Variants in DSCAM observed in about 807,000 individuals in gnomAD.
DSCAM encodes the protein cell adhesion molecule DSCAM.
A neutral mutation model predicts 217.7 loss-of-function variants in DSCAM; 47 were observed. The observed-to-expected ratio is 0.22, with a 90% confidence interval of 0.17 to 0.28. DSCAM has a LOEUF of 0.28. Ranked by LOEUF, DSCAM falls within the 10% of genes least tolerant of loss-of-function variation. The pLI, the probability that DSCAM is intolerant of heterozygous loss-of-function variation, is 1.00. For synonymous variants in DSCAM, 1,056 were observed against 1,015.3 expected (o/e 1.04, Z -0.76); for missense variants, 2,080 against 2,618.3 (o/e 0.79, Z 4.49).
At chr21:40,214,649 G>A (rs1205205045) in intron 11 of DSCAM, among the ~76,000 whole-genome samples, 1 of 138,162 alleles carries the variant, frequency 7.2e-6, no homozygotes, top group South Asian at 2.3e-4. Context: ...GTAAAGGGTG[G>A]AAAAAGAGAT....
chr21:40,058,312 A>G (rs1429886685), intron 28 of DSCAM, among the ~76,000 whole-genome samples: 1 of 152,180 alleles, frequency 6.6e-6, no homozygotes, highest in East Asian at 1.9e-4. Context: ...CAGTGGAGCC[A>G]GGCTGGCCCT....
chr21:40,495,941 A>C (rs1409408766), intron 3 of DSCAM, among the ~76,000 whole-genome samples: 1 of 152,140 alleles, frequency 6.6e-6, no homozygotes, highest in Non-Finnish European at 1.5e-5. Context: ...CAGCTGCCAA[A>C]AAATAGTAAA....
chr21:40,401,350 A>G (rs1227068551), intron 3 of DSCAM, among the ~76,000 whole-genome samples: 2 of 152,070 alleles, frequency 1.3e-5, no homozygotes, highest in African/African-American at 2.4e-5. Flanking sequence ...GATAAAATAA[A>G]ACTAATAATT....
At chr21:40,346,722 C>T (rs552814646) in intron 6 of DSCAM, among the ~76,000 whole-genome samples, 1 of 152,240 alleles carries the variant, frequency 6.6e-6, no homozygotes, top group Non-Finnish European at 1.5e-5. Flanking sequence ...TATTATACCA[C>T]AAAATAATTC....
In DSCAM at chr21:40,376,475, T is replaced by G. The variant is rs557693699; in HGVS notation, c.509-7230A>C. Among the ~76,000 whole-genome samples, 426 of 128,626 alleles carry G rather than the reference T, an allele frequency of 3.3e-3. 25 individuals are homozygous for G. Among genetic ancestry groups the G allele is most frequent in the African/African-American group, 9.7e-3 (316 of 32,722 alleles). 84.4% of individuals were successfully genotyped at this position (128,626 alleles called of 152,430 possible). A position where few individuals can be genotyped will look rare whatever the true frequency, so the allele number is the denominator to read the frequency against. ...TATCTATATATCTTATATAGATATC[T>G]ATATATCTTATATAGATATCTATAT... On this transcript the variant is annotated intron_variant, in intron 3 of 32. Transcript: ENST00000400454.
chr21:40,458,798 T>G (rs1178511593), intron 3 of DSCAM, among the ~76,000 whole-genome samples: 1 of 152,038 alleles, frequency 6.6e-6, no homozygotes, highest in Non-Finnish European at 1.5e-5. Flanking sequence ...TTGCCAATCT[T>G]GAAGACATGT....
chr21:40,362,205 C>A (rs1227154569), intron 4 of DSCAM, among the ~76,000 whole-genome samples: 3 of 152,040 alleles, frequency 2.0e-5, no homozygotes, highest in African/African-American at 7.2e-5. Context: ...CAAGTCTTTG[C>A]TATTGTGAAT....
At chr21:40,257,497 C>A (rs562678766) in intron 11 of DSCAM, among the ~76,000 whole-genome samples, 1 of 151,594 alleles carries the variant, frequency 6.6e-6, no homozygotes, top group Admixed American at 6.6e-5. Context: ...CACACACACA[C>A]AATGGCAAAC....
intron 1 of DSCAM, among the ~76,000 whole-genome samples, chr21:40,728,214 T>G (rs57123674): frequency 0.023 from 3,499 of 152,258 alleles, 58 homozygotes; most frequent in African/African-American, 0.039. Flanking sequence ...TCCTAAAATT[T>G]TGGTCCCTAA....
Position 40,179,090 on chromosome 21 carries a change from G to C in DSCAM, c.2784C>G (p.Ser928=). The C allele has an allele frequency of 6.2e-7, 1 of 1,605,902 alleles. No homozygotes were observed. The highest frequency in any genetic ancestry group is 8.5e-7 in the Non-Finnish European group (1 of 1,175,806). The change falls in exon 15 of 33, where the codon TCC becomes TCG. Residue 928 remains serine (S), a synonymous_variant. Transcript: ENST00000400454. The part of the protein sequence containing the change: ...YDIECKNKSD[S]WDSAQRTKDV... Reference sequence around the variant, plus strand: ...CTTTGGTTCTCTGAGCAGAATCCCAGGAGTCTTTTGGGTTTTGTTTTTCAA... The same window carrying C: ...CTTTGGTTCTCTGAGCAGAATCCCACGAGTCTTTTGGGTTTTGTTTTTCAA...
intron 3 of DSCAM, among the ~76,000 whole-genome samples, chr21:40,617,119 CTTTTT>C (rs1178735630): frequency 4.2e-4 from 47 of 112,658 alleles, no homozygotes; most frequent in African/African-American, 1.7e-3. Context: ...CAGAACCAGT[CTTTTT>C]TTTTTTTTTT....
At chr21:40,139,264 T>C (rs966312328) in intron 18 of DSCAM, among the ~76,000 whole-genome samples, 1 of 151,972 alleles carries the variant, frequency 6.6e-6, no homozygotes, top group African/African-American at 2.4e-5. Context: ...ACAACACAGC[T>C]TCAGGAGGTC....
chr21:40,112,046 C>G (rs1461405787), intron 20 of DSCAM, among the ~76,000 whole-genome samples: 2 of 151,698 alleles, frequency 1.3e-5, no homozygotes, highest in Middle Eastern at 3.4e-3. Context: ...GAAGTGAACT[C>G]AGCTCTGCAC....
intron 4 of DSCAM, among the ~76,000 whole-genome samples, chr21:40,358,544 C>T (rs987396051): frequency 2.0e-5 from 3 of 152,138 alleles, no homozygotes; most frequent in Non-Finnish European, 2.9e-5. Context: ...CGGTGACTCA[C>T]GCCTGTAATC....
Position 40,312,085 on chromosome 21 carries a change from G to T in DSCAM, c.2058C>A (p.Val686=). 6.8e-6 allele frequency: 11 copies of T among 1,613,536 alleles called. No individual in the cohort carries two copies. The highest frequency in any genetic ancestry group is 9.3e-6 in the Non-Finnish European group (11 of 1,179,610). The part of the protein sequence containing the change: ...AAVEHQSQLI[V]RVPPKFVVQP... ...GGCTCATGATCCTTTGCTCACCTCT[G>T]ACAATCAACTGGCTTTGGTGCTCCA... is the stretch of plus-strand genomic sequence containing the variant. The change falls in exon 9 of 33, where the codon GTC becomes GTA. Residue 686 remains valine (V), a synonymous_variant. Transcript: ENST00000400454.
intron 11 of DSCAM, among the ~76,000 whole-genome samples, chr21:40,246,798 G>T (rs1007305904): frequency 6.6e-6 from 1 of 152,168 alleles, no homozygotes; most frequent in Non-Finnish European, 1.5e-5. Flanking sequence ...GAGACTGAGA[G>T]AGTCCCAGGG....
At chr21:40,101,198 T>G (rs1161050280) in intron 20 of DSCAM, among the ~76,000 whole-genome samples, 1 of 152,218 alleles carries the variant, frequency 6.6e-6, no homozygotes, top group Non-Finnish European at 1.5e-5. Flanking sequence ...CTGTCATATA[T>G]TCCTCTTGGC....
chr21:40,801,005 G>A (rs1480678798), intron 1 of DSCAM, among the ~76,000 whole-genome samples: 1 of 144,942 alleles, frequency 6.9e-6, no homozygotes. Context: ...AGGCTGGAGT[G>A]CAGTGGCTTG....
chr21:40,708,619 T>A lies in DSCAM; in HGVS notation c.196A>T (p.Ile66Phe). 1 of 1,612,650 alleles carries A rather than the reference T, an allele frequency of 6.2e-7. No individual in the cohort carries two copies. Among genetic ancestry groups the A allele is most frequent in the Non-Finnish European group, 8.5e-7 (1 of 1,179,404 alleles). ...TGGCGGATCCCGGGGACATCGTAGATCTCCTCGCCCGTGGCTAGGTACCAT... is the reference window on the plus strand; with the variant it reads ...TGGCGGATCCCGGGGACATCGTAGAACTCCTCGCCCGTGGCTAGGTACCAT... The part of the protein sequence containing the change: ...LRWYLATGEE[I>F]YDVPGIRHVH... Residue 66 changes from isoleucine to phenylalanine, a missense_variant, in exon 2 of 33, where the codon ATC becomes TTC. Coordinates refer to ENST00000400454, the MANE Select transcript of DSCAM (RefSeq NM_001389.5).
Sources: gnomAD v4.1 joint callset for allele counts (sites outside exome capture counted in the v4.1 genomes callset) on GRCh38, gnomAD v4.1.1 for gene constraint, MANE v1.5 for transcripts, NCBI Gene and HGNC (gene_info 2026-07-23, HGNC 2026-07-21) for gene names.